The following NRDE2 variants were observed in gnomAD, a reference collection of about 807,000 sequenced individuals.
NRDE2 encodes the protein NRDE-2, necessary for RNA interference, domain containing, also known as nuclear exosome regulator NRDE2.
NRDE2 carries 76 observed loss-of-function variants against 124.2 expected under a neutral mutation model. The observed-to-expected ratio is 0.61, with a 90% confidence interval of 0.51 to 0.74. The LOEUF (loss-of-function observed/expected upper bound fraction) is 0.74, where lower values mean the gene tolerates loss of function less well. NRDE2 is among the 30% of genes least tolerant of loss of function. NRDE2 has a pLI of 0.00. For missense variants in NRDE2, 1,314 were observed against 1,417.3 expected, an observed-to-expected ratio of 0.93 and a Z score of 1.17; for synonymous variants, 489 against 528.1, an observed-to-expected ratio of 0.93 and a Z score of 1.01.
chr14:90,288,770 C>T lies in NRDE2; in HGVS notation c.2605G>A (p.Val869Ile), dbSNP rs1566685384. Residue 869 changes from valine (V) to isoleucine (I), a missense_variant, in exon 11 of 14, where the codon GTT (valine) becomes ATT (isoleucine). By Grantham distance (29) the Val-to-Ile change is conservative. Transcript: ENST00000354366. ...YGPYTGQVLA[V>I]HILKARKAYE... ...GCCTTTCGCGCTTTCAAAATGTGAA[C>T]AGCCAACACCTGTCCAGTGTAGGGC... is the stretch of plus-strand genomic sequence containing the variant. The T allele has an allele frequency of 6.2e-7, 1 of 1,614,058 alleles. No individual in the cohort carries two copies. The highest frequency in any genetic ancestry group is 8.5e-7 in the Non-Finnish European group (1 of 1,179,968).
chr14:90,270,046 A>G lies in NRDE2; in HGVS notation c.*8290T>C, dbSNP rs187758587. On this transcript the variant is annotated 3_prime_UTR_variant, in exon 14 of 14. Transcript: ENST00000354366. The stretch of plus-strand genomic sequence containing the variant: ...ATGTAGAAATCTACAAACTACAAAA[A>G]TATATGTTTACTTTTTAAAATTTAG... 8 of 761,838 alleles carry G rather than the reference A, an allele frequency of 1.1e-5. No individual in the cohort carries two copies. Among genetic ancestry groups the G allele is most frequent in the Admixed American group, 3.1e-5 (1 of 32,454 alleles). The allele number at this position is 761,838 out of a possible 1,614,324, so 47.2% of individuals were successfully genotyped here. A position where few individuals can be genotyped will look rare whatever the true frequency, so the allele number is the denominator to read the frequency against.
At chr14:90,318,168 G>T in intron 1 of NRDE2, 55 bp from the exon 2 acceptor site, 1 of 1,372,576 alleles carries the variant, frequency 7.3e-7, no homozygotes, top group Non-Finnish European at 1.0e-6. Context: ...TGATTCTAAA[G>T]CAGGAGATCT....
chr14:90,310,071 G>A (rs1374038851), intron 4 of NRDE2, among the ~76,000 whole-genome samples: 1 of 152,108 alleles, frequency 6.6e-6, no homozygotes, highest in Non-Finnish European at 1.5e-5. Context: ...CAAATATTCT[G>A]ATACTTGAGC....
At chr14:90,283,294 T>C (rs59905513) in intron 12 of NRDE2, among the ~76,000 whole-genome samples, 38,362 of 152,148 alleles carry the variant, frequency 0.25, 5,470 homozygotes, top group Middle Eastern at 0.41. Context: ...AGATCTTTTT[T>C]TCAAAGCCAA....
At chr14:90,301,881 ACTAAG>A (rs1884414700) in intron 6 of NRDE2, 1 of 454,656 alleles carries the variant, frequency 2.2e-6, no homozygotes, top group African/African-American at 2.0e-5. Context: ...ACTAAATAAC[ACTAAG>A]CTATTTGTGT....
chr14:90,309,153 G>A (rs949345347), intron 4 of NRDE2, among the ~76,000 whole-genome samples: 1 of 152,032 alleles, frequency 6.6e-6, no homozygotes. Context: ...TGGGTCGCAC[G>A]CATTGGCCCA....
intron 1 of NRDE2, among the ~76,000 whole-genome samples, chr14:90,319,198 G>A (rs1057225438): frequency 2.0e-5 from 3 of 152,172 alleles, no homozygotes; most frequent in African/African-American, 7.2e-5. Flanking sequence ...GCCCACGGGG[G>A]GTTTGTATTT....
At chr14:90,283,337 A>G (rs1892007426) in intron 12 of NRDE2, among the ~76,000 whole-genome samples, 1 of 152,178 alleles carries the variant, frequency 6.6e-6, no homozygotes, top group African/African-American at 2.4e-5. Context: ...GAACCAAACT[A>G]GGCTCATGGA....
In NRDE2 at chr14:90,292,876, G is replaced by C; in HGVS notation, c.1667-4C>G. ...TCTGGTTCATCGTCATCCTCATCTAGACAAGAATGAGACTTCTTCACCTCA... is the reference window on the plus strand; with the variant it reads ...TCTGGTTCATCGTCATCCTCATCTACACAAGAATGAGACTTCTTCACCTCA... On this transcript the variant is annotated splice_region_variant and splice_polypyrimidine_tract_variant and intron_variant, in intron 8 of 13. Coordinates refer to ENST00000354366, the MANE Select transcript of NRDE2 (RefSeq NM_017970.4). The C allele has an allele frequency of 1.2e-6, 2 of 1,610,410 alleles. No individual in the cohort carries two copies. Among genetic ancestry groups the C allele is most frequent in the Non-Finnish European group, 1.7e-6 (2 of 1,177,134 alleles).
rs1049682580 is a variant in NRDE2, at chr14:90,307,616, C to T, written c.558-3234G>A. 3.3e-5 allele frequency among the ~76,000 whole-genome samples: 5 copies of T among 152,074 alleles called. No homozygotes were observed. In the East Asian group the frequency reaches 7.7e-4, roughly 23 times the overall value. Reference sequence around the variant, plus strand: ...CTTGAACTCCTGACCTCAAGCGATCCGCCCGCCTCAGCACTTTGGGAGGCC... The same window carrying T: ...CTTGAACTCCTGACCTCAAGCGATCTGCCCGCCTCAGCACTTTGGGAGGCC... On this transcript the variant is annotated intron_variant, in intron 4 of 13. Transcript: ENST00000354366.
chr14:90,330,422 A>C (rs1172325358), intron 1 of NRDE2, among the ~76,000 whole-genome samples: 1 of 152,174 alleles, frequency 6.6e-6, no homozygotes, highest in Non-Finnish European at 1.5e-5. Flanking sequence ...CTAGGGGCTA[A>C]CTATGCTACA....
Position 90,268,027 on chromosome 14 carries a change from CAT to C in NRDE2, c.*10307_*10308del, listed in dbSNP as rs1170460734. ...GCAAAATAGCTAAGGATAATCCAAA[CAT>C]GTTAGTAGATTTTTCTAAATGTCCT... is the stretch of plus-strand genomic sequence containing the variant. On this transcript the variant is annotated 3_prime_UTR_variant, in exon 14 of 14. Coordinates refer to ENST00000354366, the MANE Select transcript of NRDE2 (RefSeq NM_017970.4). 2.0e-6 allele frequency: 1 copy of C among 499,278 alleles called. No individual in the cohort carries two copies. Among genetic ancestry groups the C allele is most frequent in the Non-Finnish European group, 3.5e-6 (1 of 285,456 alleles). 30.9% of individuals were successfully genotyped at this position (499,278 alleles called of 1,614,324 possible). A position where few individuals can be genotyped will look rare whatever the true frequency, so the allele number is the denominator to read the frequency against.
At position 90,316,740 on chromosome 14, in the gene NRDE2, T is replaced by G; in HGVS notation, c.245A>C (p.Lys82Thr). 6.2e-7 allele frequency: 1 copy of G among 1,613,590 alleles called. No individual in the cohort carries two copies. Among genetic ancestry groups the G allele is most frequent in the Non-Finnish European group, 8.5e-7 (1 of 1,179,938 alleles). The change falls in exon 3 of 14, where the codon AAG becomes ACG. Residue 82 changes from lysine to threonine, a missense_variant. Physicochemically the swap from Lys to Thr is moderately conservative, Grantham distance 78 (BLOSUM62 -1). Coordinates refer to ENST00000354366, the MANE Select transcript of NRDE2 (RefSeq NM_017970.4). Reference protein sequence around the residue: ...NKKLKQTSRKKKKEKKKKRKH... With the variant: ...NKKLKQTSRKTKKEKKKKRKH... The stretch of plus-strand genomic sequence containing the variant: ...CCTTTTTTTCTTTTTCTCTTTCTTC[T>G]TTTTTCTACTTGTTTGTTTGAGCTT...
intron 4 of NRDE2, among the ~76,000 whole-genome samples, chr14:90,308,932 A>C (rs1419924064): frequency 1.3e-5 from 2 of 152,240 alleles, no homozygotes; most frequent in East Asian, 3.9e-4. Context: ...GAGTTGCTGC[A>C]GTATGAATTT....
In NRDE2 at chr14:90,301,435, C is replaced by T. The variant is rs1168180297; in HGVS notation, c.1412-63G>A. 5 of 1,531,508 alleles carry T rather than the reference C, an allele frequency of 3.3e-6. No homozygotes were observed. The African/African-American group carries it at 4.1e-5, about 13-fold the overall frequency. The allele number at this position is 1,531,508 out of a possible 1,614,324, so 94.9% of individuals were successfully genotyped here. ...ATACCGTTAAAGGGAAAGAACCTAA[C>T]TTCTCAAAACAGGCAATTAACACAT... On this transcript the variant is annotated intron_variant, in intron 6 of 13. Coordinates refer to ENST00000354366, the MANE Select transcript of NRDE2 (RefSeq NM_017970.4).
At chr14:90,323,649 C>T (rs934916150) in intron 1 of NRDE2, among the ~76,000 whole-genome samples, 7 of 152,158 alleles carry the variant, frequency 4.6e-5, no homozygotes, top group African/African-American at 1.7e-4. Flanking sequence ...CTGAGAACTG[C>T]ATTTAAGATG....
At chr14:90,296,029 C>A (rs1031943678) in intron 8 of NRDE2, among the ~76,000 whole-genome samples, 1 of 152,136 alleles carries the variant, frequency 6.6e-6, no homozygotes, top group Non-Finnish European at 1.5e-5. Flanking sequence ...CATTAGATAT[C>A]TGGAAACTTA....
intron 12 of NRDE2, among the ~76,000 whole-genome samples, chr14:90,284,749 G>A (rs1255830683): frequency 6.6e-6 from 1 of 152,148 alleles, no homozygotes; most frequent in Non-Finnish European, 1.5e-5. Context: ...CTGAACTAAA[G>A]CAAGAGGCCT....
intron 4 of NRDE2, among the ~76,000 whole-genome samples, chr14:90,308,871 G>A (rs1884716038): frequency 6.6e-6 from 1 of 152,068 alleles, no homozygotes. Context: ...AACCGCACAG[G>A]GAACCAAGGT....
Sources: allele counts gnomAD v4.1 joint callset (sites outside exome capture counted in the v4.1 genomes callset), GRCh38; gene constraint gnomAD v4.1.1; transcripts MANE v1.5; gene names NCBI Gene and HGNC (gene_info 2026-07-23, HGNC 2026-07-21).